CNTRL: variants seen among roughly 807,000 people sequenced by gnomAD.
CNTRL encodes centriolin.
In CNTRL, 233 loss-of-function variants were observed where a neutral mutation model predicts 303.7. That is an observed-to-expected ratio of 0.77 (90% CI 0.69 to 0.86). The LOEUF (loss-of-function observed/expected upper bound fraction) is 0.86, where lower values mean the gene tolerates loss of function less well. Ranked by LOEUF, CNTRL falls within the 40% of genes least tolerant of loss-of-function variation. The probability of loss-of-function intolerance (pLI) is 0.00; values close to 1 mark genes in which losing one functional copy is unlikely to be tolerated. For missense variants in CNTRL, 2,524 were observed against 2,650.6 expected (o/e 0.95, Z 1.05); for synonymous variants, 900 against 922.2 (o/e 0.98, Z 0.44).
At chr9:121,093,982 C>T (rs1047982859) in intron 4 of CNTRL, among the ~76,000 whole-genome samples, 6 of 152,124 alleles carry the variant, frequency 3.9e-5, no homozygotes, top group South Asian at 2.1e-4. Flanking sequence ...AGGTGGGACG[C>T]GCCTGTGGTC....
intron 14 of CNTRL, 78 bp from the exon 15 acceptor site, chr9:121,135,728 C>T: frequency 2.2e-6 from 3 of 1,373,630 alleles, no homozygotes; most frequent in Non-Finnish European, 2.9e-6. Context: ...TTACAGTGCT[C>T]AAGTTACTTA....
chr9:121,133,089 G>A lies in CNTRL; in HGVS notation c.2026-2717G>A, dbSNP rs904015038. On this transcript the variant is annotated intron_variant, in intron 14 of 43. Transcript: ENST00000373855. Reference sequence around the variant, plus strand: ...GAGGTGTCTCCCAGTTAGGCTACACGGGGGTCAGGGACCCACTTGAGGAGG... The same window carrying A: ...GAGGTGTCTCCCAGTTAGGCTACACAGGGGTCAGGGACCCACTTGAGGAGG... Among the ~76,000 whole-genome samples the A allele has an allele frequency of 4.6e-5, 7 of 152,290 alleles. No homozygotes were observed. In the East Asian group the frequency reaches 1.4e-3, roughly 29 times the overall value.
At chr9:121,167,021 C>CAAA (rs35451255) in intron 36 of CNTRL, among the ~76,000 whole-genome samples, 1 of 141,564 alleles carries the variant, frequency 7.1e-6, no homozygotes, top group African/African-American at 2.7e-5. Flanking sequence ...AGCTCTGTCT[C>CAAA]AAAAAAAAAA....
At position 121,098,375 on chromosome 9, in the gene CNTRL, T is replaced by C. The variant is rs1163022576; in HGVS notation, c.622-11T>C. On this transcript the variant is annotated splice_polypyrimidine_tract_variant and intron_variant, in intron 6 of 43. Transcript: ENST00000373855. Reference sequence around the variant, plus strand: ...TTAAATTATACCAATACTAATGTTATATCATTTCAGCTCCAAGATATAAGC... The same window carrying C: ...TTAAATTATACCAATACTAATGTTACATCATTTCAGCTCCAAGATATAAGC... The C allele has an allele frequency of 1.9e-6, 3 of 1,567,270 alleles. No individual in the cohort carries two copies. The highest frequency in any genetic ancestry group is 1.1e-5 in the South Asian group (1 of 88,350).
chr9:121,175,330 C>T, intron 43 of CNTRL, 106 bp downstream of exon 43: 12 of 934,604 alleles, frequency 1.3e-5, no homozygotes, highest in Non-Finnish European at 2.0e-5. Flanking sequence ...GCATTGGTAC[C>T]ATCACAGCTC....
chr9:121,169,559 C>T, intron 38 of CNTRL, 52 bp from the exon 39 acceptor site: 1 of 1,572,934 alleles, frequency 6.4e-7, no homozygotes, highest in Non-Finnish European at 8.7e-7. Flanking sequence ...GGAGCTCTGC[C>T]CACAGCTGGC....
chr9:121,115,474 C>T (rs1040582546), intron 11 of CNTRL, among the ~76,000 whole-genome samples: 1 of 151,722 alleles, frequency 6.6e-6, no homozygotes, highest in East Asian at 1.9e-4. Context: ...CCTGATCTAT[C>T]TCTTCTATTT....
At chr9:121,101,351 A>G (rs1325267085) in intron 7 of CNTRL, among the ~76,000 whole-genome samples, 1 of 152,222 alleles carries the variant, frequency 6.6e-6, no homozygotes, top group African/African-American at 2.4e-5. Context: ...TTTGAAACCA[A>G]TGAGAACAAA....
chr9:121,097,719 A>C (rs1376742335), intron 6 of CNTRL, among the ~76,000 whole-genome samples: 1 of 152,212 alleles, frequency 6.6e-6, no homozygotes, highest in African/African-American at 2.4e-5. Context: ...GTTGATCCTT[A>C]GATAGTGTCA....
chr9:121,121,834 A>G (rs2050244855), intron 12 of CNTRL: 2 of 985,318 alleles, frequency 2.0e-6, no homozygotes, highest in Non-Finnish European at 2.4e-6. Context: ...CGCTTGCAAA[A>G]ATGTGGCTGT....
intron 1 of CNTRL, among the ~76,000 whole-genome samples, chr9:121,079,627 A>G (rs1164833871): frequency 6.6e-6 from 1 of 152,174 alleles, no homozygotes; most frequent in Non-Finnish European, 1.5e-5. Flanking sequence ...TATATTTTTT[A>G]CATTTATATT....
chr9:121,124,999 G>T (rs1341166391), intron 13 of CNTRL, among the ~76,000 whole-genome samples: 1 of 151,174 alleles, frequency 6.6e-6, no homozygotes, highest in Non-Finnish European at 1.5e-5. Context: ...CACATAGTGC[G>T]TATCCAGTAC....
intron 1 of CNTRL, among the ~76,000 whole-genome samples, chr9:121,080,094 A>G (rs1018434095): frequency 2.0e-5 from 3 of 152,352 alleles, no homozygotes; most frequent in Admixed American, 1.3e-4. Flanking sequence ...GCTATATGAC[A>G]TGGTCATTAA....
intron 14 of CNTRL, among the ~76,000 whole-genome samples, chr9:121,130,510 T>G (rs951230442): frequency 6.6e-6 from 1 of 152,230 alleles, no homozygotes; most frequent in Non-Finnish European, 1.5e-5. Flanking sequence ...ATCTATTTGA[T>G]TCTACCCTCT....
Position 121,171,425 on chromosome 9 carries a change from C to T in CNTRL, c.6294C>T (p.Asn2098=), listed in dbSNP as rs756071125. The T allele has an allele frequency of 6.2e-7, 1 of 1,614,008 alleles. No individual in the cohort carries two copies. Among genetic ancestry groups the T allele is most frequent in the South Asian group, 1.1e-5 (1 of 91,074 alleles). The change falls in exon 40 of 44, where the codon AAC becomes AAT. Residue 2098 remains asparagine (N), a synonymous_variant. Transcript: ENST00000373855. ...EKNLLEQKQE[N]SCIQKEMATI... ...TGTGCTAGGAGCAAAAACAGGAGAA[C>T]AGCTGCATACAAAAGGAAATGGCAA... is the stretch of plus-strand genomic sequence containing the variant.
At chr9:121,122,009 G>A (rs2050257153) in intron 12 of CNTRL, 1 of 790,972 alleles carries the variant, frequency 1.3e-6, no homozygotes, top group Non-Finnish European at 1.5e-6. Context: ...AGTCAGAGAT[G>A]TAAGTTCCTG....
chr9:121,165,051 C>T lies in CNTRL; in HGVS notation c.5532C>T (p.Asp1844=), dbSNP rs553998042. 1.1e-5 allele frequency: 18 copies of T among 1,606,484 alleles called. 3 individuals carry two copies. In the South Asian group the frequency reaches 1.9e-4, roughly 17 times the overall value. Residue 1844 remains aspartate (D), a synonymous_variant, in exon 35 of 44, where the codon GAC becomes GAT. Transcript: ENST00000373855. The part of the protein sequence containing the change: ...LQQELDQLNR[D]KLSLHNDISA... ...AGGAACTAGACCAACTAAACAGAGACAAGTTGTCACTGCATAACGACATTT... is the reference window on the plus strand; with the variant it reads ...AGGAACTAGACCAACTAAACAGAGATAAGTTGTCACTGCATAACGACATTT...
Position 121,164,984 on chromosome 9 carries a change from C to G in CNTRL, c.5465C>G (p.Ser1822Ter), listed in dbSNP as rs990875982. 6.2e-7 allele frequency: 1 copy of G among 1,612,536 alleles called. No individual in the cohort carries two copies. The highest frequency in any genetic ancestry group is 8.5e-7 in the Non-Finnish European group (1 of 1,179,612). Reference sequence around the variant, plus strand: ...GAAGAAAATAGCAAAATGGAGCAATCAAACTTAGAAAAGTTGGAATTGAAT... The same window carrying G: ...GAAGAAAATAGCAAAATGGAGCAATGAAACTTAGAAAAGTTGGAATTGAAT... Reference protein sequence around the residue: ...AAEENSKMEQSNLEKLELNVR... With the variant: ...AAEENSKMEQ The change falls in exon 35 of 44, where the codon TCA becomes TGA. Residue 1822 changes from serine (S) to a stop codon, truncating the protein, a stop_gained. Transcript: ENST00000373855. LOFTEE classifies it high-confidence loss of function.
rs188498388 is a variant in CNTRL, at chr9:121,104,069, C to T, written c.809-3733C>T. 9.3e-4 allele frequency among the ~76,000 whole-genome samples: 142 copies of T among 152,282 alleles called. 1 individual carries two copies. In the East Asian group the frequency reaches 0.021, roughly 23 times the overall value. The stretch of plus-strand genomic sequence containing the variant: ...TAAATCATGCCACTATAAAGACACA[C>T]GCACACATATGTTTATTGCGGCACT... On this transcript the variant is annotated intron_variant, in intron 7 of 43. Transcript: ENST00000373855.
Sources: allele counts gnomAD v4.1 joint callset (sites outside exome capture counted in the v4.1 genomes callset), GRCh38; gene constraint gnomAD v4.1.1; transcripts MANE v1.5; gene names NCBI Gene and HGNC (gene_info 2026-07-23, HGNC 2026-07-21).